The following FRY variants were observed in gnomAD, a reference collection of about 807,000 sequenced individuals.
FRY encodes protein furry homolog.
A neutral mutation model predicts 348.4 loss-of-function variants in FRY; 128 were observed. The ratio of observed to expected loss-of-function variants is 0.37; its 90% CI spans 0.32 to 0.43. The LOEUF (loss-of-function observed/expected upper bound fraction) is 0.43, where lower values mean the gene tolerates loss of function less well. Among genes scored for constraint, FRY ranks in the 20% least tolerant of loss-of-function variants. The pLI is 1.00. For missense variants in FRY, 2,736 were observed against 3,695.2 expected (o/e 0.74, Z 6.73); for synonymous variants, 1,370 against 1,374.7 (o/e 1.00, Z 0.08).
chr13:32,240,932 T>C (rs905624914), intron 46 of FRY, among the ~76,000 whole-genome samples: 2 of 152,184 alleles, frequency 1.3e-5, no homozygotes, highest in Non-Finnish European at 2.9e-5. Flanking sequence ...CATCAACATT[T>C]ATAGTTGATC....
chr13:32,219,214 G>C (rs1387289901), intron 36 of FRY, among the ~76,000 whole-genome samples: 1 of 149,738 alleles, frequency 6.7e-6, no homozygotes, highest in Non-Finnish European at 1.5e-5. Context: ...TCAGCCTCGT[G>C]AGTAGCTGGG....
intron 1 of FRY, among the ~76,000 whole-genome samples, chr13:32,066,841 G>A (rs1392807350): frequency 6.6e-6 from 1 of 152,076 alleles, no homozygotes; most frequent in African/African-American, 2.4e-5. Context: ...ATGCTAATAA[G>A]TATTTTAAAA....
intron 53 of FRY, among the ~76,000 whole-genome samples, chr13:32,264,720 A>G (rs1051116690): frequency 2.0e-5 from 3 of 152,168 alleles, no homozygotes; most frequent in African/African-American, 4.8e-5. Context: ...TGTCCTGCTC[A>G]TTCCACATTT....
rs1879599850 is a variant in FRY at position 32,134,851 on chromosome 13, A to G, written c.886-53A>G. The G allele has an allele frequency of 4.8e-6, 5 of 1,031,718 alleles. No homozygotes were observed. The South Asian group carries it at 5.0e-5, about 10-fold the overall frequency. The allele number at this position is 1,031,718 out of a possible 1,614,324, so 63.9% of individuals were successfully genotyped here. A position where few individuals can be genotyped will look rare whatever the true frequency, so the allele number is the denominator to read the frequency against. ...ACTGAAACTTGTTTAAATACATTCT[A>G]TGTGTACATTTCAACCTACTCTCCC... On this transcript the variant is annotated intron_variant, in intron 8 of 60. Coordinates refer to ENST00000542859, the MANE Select transcript of FRY (RefSeq NM_023037.3).
intron 51 of FRY, among the ~76,000 whole-genome samples, chr13:32,256,210 G>A (rs1042377772): frequency 1.3e-5 from 2 of 151,982 alleles, no homozygotes; most frequent in Admixed American, 6.6e-5. Context: ...AAAAATCACA[G>A]TGATTATTTT....
chr13:32,187,728 G>A (rs2138272364), intron 28 of FRY, 72 bp downstream of exon 28: 4 of 831,598 alleles, frequency 4.8e-6, no homozygotes, highest in East Asian at 2.4e-5. Flanking sequence ...ACTGAGATGT[G>A]TAAGCATTGT....
chr13:32,104,021 ATTCT>A (rs1175919545), intron 3 of FRY, among the ~76,000 whole-genome samples: 1 of 152,060 alleles, frequency 6.6e-6, no homozygotes, highest in Non-Finnish European at 1.5e-5. Context: ...TCTATTTTAT[ATTCT>A]TTGTCTCTTT....
chr13:32,142,961 G>A (rs1880170636), intron 11 of FRY, among the ~76,000 whole-genome samples: 1 of 152,154 alleles, frequency 6.6e-6, no homozygotes, highest in African/African-American at 2.4e-5. Flanking sequence ...CAGGAGTAGA[G>A]GGGCAGGGGA....
At chr13:32,171,660 C>G (rs777006966) in intron 18 of FRY, among the ~76,000 whole-genome samples, 9 of 152,062 alleles carry the variant, frequency 5.9e-5, no homozygotes, top group Non-Finnish European at 1.0e-4. Flanking sequence ...CAGTCTAGAA[C>G]CTTTAGAATT....
At chr13:32,113,241 A>C (rs1878082037) in intron 3 of FRY, among the ~76,000 whole-genome samples, 1 of 152,214 alleles carries the variant, frequency 6.6e-6, no homozygotes, top group Admixed American at 6.5e-5. Flanking sequence ...TAGAGAAATT[A>C]AACCATCAGT....
At chr13:32,256,826 G>A (rs1280474726) in intron 51 of FRY, among the ~76,000 whole-genome samples, 1 of 151,692 alleles carries the variant, frequency 6.6e-6, no homozygotes, top group African/African-American at 2.4e-5. Context: ...TACAGGTTGA[G>A]CATTCCTCAT....
At chr13:32,189,819 A>T (rs2138279483) in intron 28 of FRY, among the ~76,000 whole-genome samples, 1 of 152,200 alleles carries the variant, frequency 6.6e-6, no homozygotes, top group East Asian at 1.9e-4. Flanking sequence ...TGATAATAAA[A>T]CAAGAAAAGG....
intron 46 of FRY, among the ~76,000 whole-genome samples, chr13:32,242,139 G>A (rs566740483): frequency 1.3e-5 from 2 of 152,232 alleles, no homozygotes; most frequent in South Asian, 4.2e-4. Flanking sequence ...ATTACAAATG[G>A]TCTTGTTATG....
At chr13:32,233,919 C>G (rs1886066591) in intron 41 of FRY, among the ~76,000 whole-genome samples, 1 of 152,134 alleles carries the variant, frequency 6.6e-6, no homozygotes. Context: ...TGATTCAATA[C>G]CAGGACCATC....
In FRY at chr13:32,185,147, A is replaced by G; in HGVS notation, c.3318A>G (p.Pro1106=). Residue 1106 remains proline (P), a splice_region_variant and synonymous_variant, in exon 26 of 61, where the codon CCA becomes CCG. Transcript: ENST00000542859. The part of the protein sequence containing the change: ...AMVANLIQCV[P]VHHRRFLFPQ... ...TGGCCAACTTGATTCAGTGTGTTCC[A>G]GGTACGGTGATCCGTTACAAGAAAT... The G allele has an allele frequency of 6.2e-7, 1 of 1,613,106 alleles. No homozygotes were observed. The highest frequency in any genetic ancestry group is 8.5e-7 in the Non-Finnish European group (1 of 1,179,072).
At chr13:32,096,445 G>A (rs547642762) in intron 2 of FRY, among the ~76,000 whole-genome samples, 18 of 151,174 alleles carry the variant, frequency 1.2e-4, no homozygotes, top group East Asian at 1.9e-4. Flanking sequence ...TGCGGGGGGG[G>A]GCTTCATCTG....
chr13:32,235,896 T>C (rs1288365167), intron 42 of FRY, among the ~76,000 whole-genome samples, 182 bp from the exon 43 acceptor site: 1 of 152,232 alleles, frequency 6.6e-6, no homozygotes, highest in East Asian at 1.9e-4. Context: ...TAAATTTGTA[T>C]GATTATCTGC....
intron 1 of FRY, among the ~76,000 whole-genome samples, chr13:32,063,650 C>T (rs1455727647): frequency 6.6e-6 from 1 of 152,148 alleles, no homozygotes; most frequent in Non-Finnish European, 1.5e-5. Context: ...CTGGTCGGCA[C>T]CCACTAAATT....
chr13:32,273,811 G>T (rs777476171), intron 55 of FRY, among the ~76,000 whole-genome samples: 2 of 152,190 alleles, frequency 1.3e-5, no homozygotes, highest in African/African-American at 4.8e-5. Context: ...TGACAAACAC[G>T]CAAGGAAAAC....
Sources: allele counts gnomAD v4.1 joint callset (sites outside exome capture counted in the v4.1 genomes callset), GRCh38; gene constraint gnomAD v4.1.1; transcripts MANE v1.5; gene names NCBI Gene and HGNC (gene_info 2026-07-23, HGNC 2026-07-21).